SCGN: variants seen among roughly 807,000 people sequenced by gnomAD.
SCGN encodes secretagogin, EF-hand calcium binding protein.
SCGN carries 30 observed loss-of-function variants against 39.7 expected under a neutral mutation model. The ratio of observed to expected loss-of-function variants is 0.76; its 90% CI spans 0.57 to 1.03. The LOEUF (loss-of-function observed/expected upper bound fraction) is 1.03. Ranked by LOEUF, SCGN falls within the 50% of genes least tolerant of loss-of-function variation. The pLI is 0.00. For synonymous variants in SCGN, 106 were observed against 114.1 expected (o/e 0.93, Z 0.45); for missense variants, 353 against 349.4 (o/e 1.01, Z -0.08).
intron 10 of SCGN, among the ~76,000 whole-genome samples, chr6:25,696,102 A>G (rs912134149): frequency 6.6e-6 from 1 of 152,194 alleles, no homozygotes; most frequent in African/African-American, 2.4e-5. Flanking sequence ...GATTGGCAAG[A>G]GGGGACAATA....
At chr6:25,692,484 T>C (rs1371351894) in intron 10 of SCGN, among the ~76,000 whole-genome samples, 3 of 152,176 alleles carry the variant, frequency 2.0e-5, no homozygotes, top group Non-Finnish European at 4.4e-5. Flanking sequence ...TTTGGCCTTC[T>C]TCTCTTCCAT....
Position 25,686,752 on chromosome 6 carries a change from A to G in SCGN, c.528-2420A>G, listed in dbSNP as rs144043226. ...TGGTTGTTTGTGTTTTAGATGTCATATCTAGGAAGCCATTGCCAAAATCCA... is the reference window on the plus strand; with the variant it reads ...TGGTTGTTTGTGTTTTAGATGTCATGTCTAGGAAGCCATTGCCAAAATCCA... On this transcript the variant is annotated intron_variant, in intron 7 of 10. Coordinates refer to ENST00000377961, the MANE Select transcript of SCGN (RefSeq NM_006998.4). Among the ~76,000 whole-genome samples, 84 of 152,276 alleles carry G rather than the reference A, an allele frequency of 5.5e-4. 2 individuals carry two copies. The East Asian group carries it at 0.015, about 28-fold the overall frequency.
chr6:25,689,301 C>T (rs1323272525), intron 8 of SCGN, 84 bp downstream of exon 8: 4 of 1,176,620 alleles, frequency 3.4e-6, no homozygotes, highest in Admixed American at 4.0e-5. Flanking sequence ...AGGAAGGCAT[C>T]TATTTGCCCT....
At chr6:25,690,870 C>A (rs1446436134) in intron 9 of SCGN, among the ~76,000 whole-genome samples, 186 bp from the exon 10 acceptor site, 3 of 152,234 alleles carry the variant, frequency 2.0e-5, no homozygotes, top group Non-Finnish European at 4.4e-5. Flanking sequence ...GAGCTGTTTT[C>A]AATGAGTTAT....
At chr6:25,671,277 C>T (rs991529283) in intron 6 of SCGN, among the ~76,000 whole-genome samples, 2 of 152,164 alleles carry the variant, frequency 1.3e-5, no homozygotes, top group Admixed American at 6.5e-5. Context: ...CACCAGGTTG[C>T]GTTCTTAAGC....
Position 25,701,627 on chromosome 6 carries a change from G to C in SCGN, c.*292G>C. On this transcript the variant is annotated 3_prime_UTR_variant, in exon 11 of 11. Transcript: ENST00000377961. ...CTGCCTGTCCTTCCCCAGTCACCAGGGTGGGGGGGACAGGGGCAGCTGAGT... is the reference window on the plus strand; with the variant it reads ...CTGCCTGTCCTTCCCCAGTCACCAGCGTGGGGGGGACAGGGGCAGCTGAGT... The C allele has an allele frequency of 3.8e-6, 1 of 259,864 alleles. No individual in the cohort carries two copies. The highest frequency in any genetic ancestry group is 7.2e-6 in the Non-Finnish European group (1 of 138,784). 16.1% of individuals were successfully genotyped at this position (259,864 alleles called of 1,614,324 possible).
intron 2 of SCGN, among the ~76,000 whole-genome samples, chr6:25,655,461 T>G (rs1228421445): frequency 6.6e-6 from 1 of 152,174 alleles, no homozygotes; most frequent in East Asian, 1.9e-4. Context: ...TTTTTATCAT[T>G]GCCCCTATCT....
intron 7 of SCGN, among the ~76,000 whole-genome samples, chr6:25,686,829 A>T (rs1759711899): frequency 6.6e-6 from 1 of 152,150 alleles, no homozygotes. Flanking sequence ...TATAAACTAT[A>T]AAGTTTCTGT....
At position 25,657,655 on chromosome 6, in the gene SCGN, A is replaced by T. The variant is rs995927775; in HGVS notation, c.154-3897A>T. Among the ~76,000 whole-genome samples the T allele has an allele frequency of 6.0e-5, 9 of 148,854 alleles. No individual in the cohort carries two copies. The South Asian group carries it at 1.7e-3, about 28-fold the overall frequency. ...AACACTGAAATGCTTTTAAGATTTT[A>T]TATATATATATAATATATATATTAC... On this transcript the variant is annotated intron_variant, in intron 2 of 10. Coordinates refer to ENST00000377961, the MANE Select transcript of SCGN (RefSeq NM_006998.4).
chr6:25,665,053 CT>C, intron 4 of SCGN, 21 bp downstream of exon 4: 1 of 1,587,442 alleles, frequency 6.3e-7, no homozygotes, highest in Non-Finnish European at 8.6e-7. Context: ...GGTTGTGTCT[CT>C]GTGAAGAAAG....
chr6:25,699,621 T>C (rs890467702), intron 10 of SCGN, among the ~76,000 whole-genome samples: 2 of 124,636 alleles, frequency 1.6e-5, no homozygotes, highest in Non-Finnish European at 3.4e-5. Context: ...GAAAAGAAAA[T>C]GGGAAAATGG....
chr6:25,690,282 T>C (rs1407519570), intron 9 of SCGN, among the ~76,000 whole-genome samples: 1 of 152,180 alleles, frequency 6.6e-6, no homozygotes, highest in Non-Finnish European at 1.5e-5. Context: ...TTTGTAAAAT[T>C]AGGGTGATAA....
At position 25,681,779 on chromosome 6, in the gene SCGN, A is replaced by C. The variant is rs1759639976; in HGVS notation, c.472-172A>C. Among the ~76,000 whole-genome samples the C allele has an allele frequency of 8.5e-5, 13 of 152,346 alleles. 2 individuals carry two copies. In the South Asian group the frequency reaches 2.7e-3, roughly 32 times the overall value. On this transcript the variant is annotated intron_variant, in intron 6 of 10. Transcript: ENST00000377961. ...GTTACTACGACTCATCCTAACAGAG[A>C]GGCTGACATGCAATTCCTTCTGTGA... is the stretch of plus-strand genomic sequence containing the variant.
At chr6:25,658,809 GAA>G (rs1396624655) in intron 2 of SCGN, among the ~76,000 whole-genome samples, 1 of 151,562 alleles carries the variant, frequency 6.6e-6, no homozygotes, top group East Asian at 1.9e-4. Context: ...AGCAACAAGT[GAA>G]AAAAAAGGAA....
chr6:25,696,854 C>A (rs1171018758), intron 10 of SCGN, among the ~76,000 whole-genome samples: 1 of 152,142 alleles, frequency 6.6e-6, no homozygotes, highest in South Asian at 2.1e-4. Flanking sequence ...ATGTTAGGGA[C>A]TTAACGTGCT....
chr6:25,691,359 G>A (rs1223148602), intron 10 of SCGN, among the ~76,000 whole-genome samples: 1 of 152,136 alleles, frequency 6.6e-6, no homozygotes, highest in Non-Finnish European at 1.5e-5. Context: ...ATCATTTAAA[G>A]GCCATCTATT....
intron 7 of SCGN, among the ~76,000 whole-genome samples, chr6:25,688,776 T>C (rs1445454055): frequency 7.6e-6 from 1 of 132,058 alleles, no homozygotes; most frequent in Non-Finnish European, 1.5e-5. Context: ...CACTCCAGCC[T>C]GGGCGACAGA....
chr6:25,677,410 C>T (rs1255412180), intron 6 of SCGN, among the ~76,000 whole-genome samples: 1 of 152,112 alleles, frequency 6.6e-6, no homozygotes, highest in African/African-American at 2.4e-5. Context: ...TGTTATTAGA[C>T]ACAGAGTAAT....
At chr6:25,662,392 A>T (rs1453643196) in intron 3 of SCGN, among the ~76,000 whole-genome samples, 1 of 152,178 alleles carries the variant, frequency 6.6e-6, no homozygotes, top group Non-Finnish European at 1.5e-5. Context: ...TTTTAATGGA[A>T]CCCTGCTTAT....
Sources: gnomAD v4.1 joint callset for allele counts (sites outside exome capture counted in the v4.1 genomes callset) on GRCh38, gnomAD v4.1.1 for gene constraint, MANE v1.5 for transcripts, NCBI Gene and HGNC (gene_info 2026-07-23, HGNC 2026-07-21) for gene names.